KMT2C: variants seen among roughly 807,000 people sequenced by gnomAD.
The protein encoded by KMT2C is lysine methyltransferase 2C.
Under a neutral mutation model 507.9 loss-of-function variants are expected in KMT2C, and 88 were observed. The observed-to-expected ratio is 0.17, with a 90% CI of 0.15 to 0.21. The LOEUF (loss-of-function observed/expected upper bound fraction) is 0.21, where lower values mean the gene tolerates loss of function less well. Among genes scored for constraint, KMT2C ranks in the 10% least tolerant of loss-of-function variants. The pLI, the probability that KMT2C is intolerant of heterozygous loss-of-function variation, is 1.00. For synonymous variants in KMT2C, 2,049 were observed against 2,080.8 expected (o/e 0.98, Z 0.42); for missense variants, 4,954 against 5,957.8 (o/e 0.83, Z 5.55).
chr7:152,200,834 T>C (rs570600716), intron 26 of KMT2C, among the ~76,000 whole-genome samples: 2 of 152,230 alleles, frequency 1.3e-5, no homozygotes, highest in South Asian at 4.1e-4. Context: ...TACTACCCTT[T>C]GAGAAAAGAG....
chr7:152,223,394 A>G (rs910931241), intron 20 of KMT2C, among the ~76,000 whole-genome samples: 2 of 152,166 alleles, frequency 1.3e-5, no homozygotes, highest in Admixed American at 1.3e-4. Flanking sequence ...TTTATAATCT[A>G]TTAGAAGATT....
intron 6 of KMT2C, among the ~76,000 whole-genome samples, chr7:152,281,537 T>A (rs62492933): frequency 9.2e-5 from 11 of 119,532 alleles, no homozygotes; most frequent in Non-Finnish European, 3.6e-5. Context: ...TTTGAGACCA[T>A]CCTGGCCAAC....
At chr7:152,314,757 G>A (rs2096707909) in intron 4 of KMT2C, among the ~76,000 whole-genome samples, 1 of 152,064 alleles carries the variant, frequency 6.6e-6, no homozygotes, top group South Asian at 2.1e-4. Flanking sequence ...AAAATTAAAA[G>A]CTTATTTAGA....
At chr7:152,152,612 T>A (rs2129097228) in intron 49 of KMT2C, 93 bp downstream of exon 49, 1 of 1,450,816 alleles carries the variant, frequency 6.9e-7, no homozygotes, top group African/African-American at 1.4e-5. Flanking sequence ...ATGTTACCTG[T>A]CCGTTGTTAA....
intron 1 of KMT2C, among the ~76,000 whole-genome samples, chr7:152,433,399 T>C (rs775930851): frequency 4.1e-4 from 61 of 147,682 alleles, no homozygotes; most frequent in Non-Finnish European, 5.8e-4. Flanking sequence ...TGGATTCTTA[T>C]ACAGTATAGA....
Position 152,177,099 on chromosome 7 carries a change from A to G in KMT2C, c.8354T>C (p.Leu2785Ser). 6.2e-7 allele frequency: 1 copy of G among 1,612,876 alleles called. No individual in the cohort carries two copies. The highest frequency in any genetic ancestry group is 8.5e-7 in the Non-Finnish European group (1 of 1,179,516). The change falls in exon 38 of 59, where the codon TTA (leucine) becomes TCA (serine). Residue 2785 changes from leucine (L) to serine (S), a missense_variant. Physicochemically the swap from Leu to Ser is moderately radical, Grantham distance 145. Coordinates refer to ENST00000262189, the MANE Select transcript of KMT2C (RefSeq NM_170606.3). ...TTCAACAGATACACACTGATTATCT[A>G]ACTTATCATCAATTGGAAGGTCTAG... ...EELDLPIDDKLDNQCVSVEPK... is the reference protein window; with the variant it reads ...EELDLPIDDKSDNQCVSVEPK...
At chr7:152,375,476 C>A (rs2097322070) in intron 1 of KMT2C, among the ~76,000 whole-genome samples, 1 of 151,600 alleles carries the variant, frequency 6.6e-6, no homozygotes, top group Admixed American at 6.6e-5. Flanking sequence ...ACCTCTATCT[C>A]CCAGGTTCAA....
At chr7:152,246,473 GAA>G (rs1475200224) in intron 14 of KMT2C, among the ~76,000 whole-genome samples, 1 of 151,992 alleles carries the variant, frequency 6.6e-6, no homozygotes, top group African/African-American at 2.4e-5. Flanking sequence ...AAAGTCTACA[GAA>G]AAAGAGTCCT....
At chr7:152,391,677 C>T (rs1215561960) in intron 1 of KMT2C, among the ~76,000 whole-genome samples, 4 of 151,392 alleles carry the variant, frequency 2.6e-5, no homozygotes, top group African/African-American at 7.3e-5. Flanking sequence ...GCTGGGATTA[C>T]AGGCACACAC....
At chr7:152,203,183 T>C in intron 25 of KMT2C, 119 bp from the exon 26 acceptor site, 1 of 724,510 alleles carries the variant, frequency 1.4e-6, no homozygotes, top group Admixed American at 3.6e-5. Context: ...ACAAGCTTTT[T>C]GAACAAAAAA....
intron 13 of KMT2C, among the ~76,000 whole-genome samples, chr7:152,249,320 GTTTTTTTTT>G (rs200151238): frequency 1.1e-5 from 1 of 94,664 alleles, no homozygotes; most frequent in Non-Finnish European, 2.2e-5. Context: ...AATTTATCTG[GTTTTTTTTT>G]TTTTTTTTTT....
In KMT2C at chr7:152,336,255, C is replaced by G. The variant is rs1024823760; in HGVS notation, c.251-5516G>C. Among the ~76,000 whole-genome samples, 6 of 152,142 alleles carry G rather than the reference C, an allele frequency of 3.9e-5. No individual in the cohort carries two copies. In the South Asian group the frequency reaches 8.3e-4, roughly 21 times the overall value. ...AAATATTTGATACTTCAGGTAATAA[C>G]AGAAGCTGTCTTTAACTGTCACTCT... On this transcript the variant is annotated intron_variant, in intron 2 of 58. Transcript: ENST00000262189.
In KMT2C at chr7:152,250,214, G is replaced by A. The variant is rs2095542244; in HGVS notation, c.1736-261C>T. 2.0e-5 allele frequency among the ~76,000 whole-genome samples: 3 copies of A among 152,166 alleles called. No homozygotes were observed. The South Asian group carries it at 6.3e-4, about 32-fold the overall frequency. Reference sequence around the variant, plus strand: ...AAAGATTATAGAAAATAATTTTAATGAGAGTTATTATACGTAAACTTAATA... The same window carrying A: ...AAAGATTATAGAAAATAATTTTAATAAGAGTTATTATACGTAAACTTAATA... On this transcript the variant is annotated intron_variant, in intron 12 of 58. Coordinates refer to ENST00000262189, the MANE Select transcript of KMT2C (RefSeq NM_170606.3).
intron 1 of KMT2C, among the ~76,000 whole-genome samples, chr7:152,410,527 G>A (rs75795527): frequency 2.0e-3 from 268 of 136,764 alleles, no homozygotes; most frequent in Middle Eastern, 4.0e-3. Context: ...GCAGTGAGCC[G>A]AGACAGCGCC....
In KMT2C at chr7:152,248,301, A is replaced by C; in HGVS notation, c.2133T>G (p.Pro711=). 1 of 1,613,880 alleles carries C rather than the reference A, an allele frequency of 6.2e-7. No homozygotes were observed. Among genetic ancestry groups the C allele is most frequent in the Non-Finnish European group, 8.5e-7 (1 of 1,179,806 alleles). Residue 711 remains proline, a synonymous_variant, in exon 14 of 59, where the codon CCT becomes CCG. Coordinates refer to ENST00000262189, the MANE Select transcript of KMT2C (RefSeq NM_170606.3). ...GCCTTTCTATAACCAACTGTTCCTC[A>C]GGACATAATGAAATACTTTCCTCAT... ...SPHEESISLC[P]EEQLVIERLQ...
intron 1 of KMT2C, chr7:152,367,406 C>T: frequency 1.5e-6 from 1 of 688,190 alleles, no homozygotes; most frequent in East Asian, 2.7e-5. Context: ...CAAAGTGAGA[C>T]AGGGTCTCGC....
rs1295242506 is a variant in KMT2C, at chr7:152,368,500, G to C, written c.162-9825C>G. ...TGAAGCTGAGCTCCAGTGGCGCCGTGAGCTAATGAAAAAGAATTTGGAAGC... is the reference window on the plus strand; with the variant it reads ...TGAAGCTGAGCTCCAGTGGCGCCGTCAGCTAATGAAAAAGAATTTGGAAGC... On this transcript the variant is annotated intron_variant, in intron 1 of 58. Transcript: ENST00000262189. 3 of 1,310,874 alleles carry C rather than the reference G, an allele frequency of 2.3e-6. No individual in the cohort carries two copies. In the African/African-American group the frequency reaches 4.4e-5, roughly 19 times the overall value. The allele number at this position is 1,310,874 out of a possible 1,614,324, so 81.2% of individuals were successfully genotyped here. A position where few individuals can be genotyped will look rare whatever the true frequency, so the allele number is the denominator to read the frequency against.
At chr7:152,186,375 G>A (rs577292796) in intron 33 of KMT2C, among the ~76,000 whole-genome samples, 1 of 152,330 alleles carries the variant, frequency 6.6e-6, no homozygotes, top group South Asian at 2.1e-4. Flanking sequence ...ACATACCCAT[G>A]TACGTTCATA....
At chr7:152,205,253 GA>G (rs2094271226) in intron 24 of KMT2C, 28 bp from the exon 25 acceptor site, 1 of 1,600,894 alleles carries the variant, frequency 6.2e-7, no homozygotes, top group South Asian at 1.1e-5. Context: ...TAGGTAAACT[GA>G]TAAGTAATTT....
Sources: gnomAD v4.1 joint callset for allele counts (sites outside exome capture counted in the v4.1 genomes callset) on GRCh38, gnomAD v4.1.1 for gene constraint, MANE v1.5 for transcripts, NCBI Gene and HGNC (gene_info 2026-07-23, HGNC 2026-07-21) for gene names.